The following AKAP6 variants were observed in gnomAD, a reference collection of about 807,000 sequenced individuals.
AKAP6 encodes the protein A-kinase anchoring protein 6.
In AKAP6, 58 loss-of-function variants were observed where a neutral mutation model predicts 188.5. That is an observed-to-expected ratio of 0.31 (90% confidence interval 0.25 to 0.38). AKAP6 has a LOEUF of 0.38. Among genes scored for constraint, AKAP6 ranks in the 10% least tolerant of loss-of-function variants. AKAP6 has a pLI of 1.00. For missense variants in AKAP6, 2,710 were observed against 2,740.0 expected, an observed-to-expected ratio of 0.99 and a Z score of 0.24; for synonymous variants, 989 against 998.6, an observed-to-expected ratio of 0.99 and a Z score of 0.18.
intron 2 of AKAP6, among the ~76,000 whole-genome samples, chr14:32,467,537 A>G (rs1223459552): frequency 6.6e-6 from 1 of 152,174 alleles, no homozygotes; most frequent in African/African-American, 2.4e-5. Flanking sequence ...TGGACAAGAA[A>G]CAGAATCTTA....
At chr14:32,677,494 C>A (rs1284087127) in intron 7 of AKAP6, among the ~76,000 whole-genome samples, 1 of 152,190 alleles carries the variant, frequency 6.6e-6, no homozygotes, top group East Asian at 1.9e-4. Context: ...TACATGAACT[C>A]AGCATTGCTC....
chr14:32,691,397 T>C (rs1019931099), intron 8 of AKAP6, among the ~76,000 whole-genome samples: 32 of 152,190 alleles, frequency 2.1e-4, no homozygotes, highest in Admixed American at 1.7e-3. Flanking sequence ...TTGTCTTTTA[T>C]AAAATCACTC....
At chr14:32,393,137 T>G (rs1421531406) in intron 1 of AKAP6, among the ~76,000 whole-genome samples, 7 of 152,100 alleles carry the variant, frequency 4.6e-5, no homozygotes, top group Admixed American at 4.6e-4. Flanking sequence ...AGAAATACAG[T>G]AACTTTATGT....
At chr14:32,456,403 A>G (rs1182376950) in intron 2 of AKAP6, among the ~76,000 whole-genome samples, 2 of 152,224 alleles carry the variant, frequency 1.3e-5, no homozygotes, top group African/African-American at 2.4e-5. Flanking sequence ...AGAGATCAAA[A>G]TCTTTTTACA....
intron 7 of AKAP6, among the ~76,000 whole-genome samples, chr14:32,618,145 A>C (rs1191935695): frequency 6.6e-6 from 1 of 152,212 alleles, no homozygotes; most frequent in Non-Finnish European, 1.5e-5. Flanking sequence ...AAAACAAAGC[A>C]ATCTACTATG....
chr14:32,800,053 C>A (rs1441654148), intron 12 of AKAP6, among the ~76,000 whole-genome samples: 2 of 117,274 alleles, frequency 1.7e-5, no homozygotes, highest in Non-Finnish European at 3.6e-5. Flanking sequence ...CTCTCTCTCT[C>A]TCTCTCTCTA....
intron 9 of AKAP6, among the ~76,000 whole-genome samples, chr14:32,722,197 AT>A (rs914374170): frequency 7.2e-5 from 11 of 152,150 alleles, no homozygotes; most frequent in Non-Finnish European, 1.5e-5. Flanking sequence ...TTGGGGAAGT[AT>A]TGAATCTTCT....
intron 2 of AKAP6, among the ~76,000 whole-genome samples, chr14:32,517,556 C>A (rs763546992): frequency 2.6e-5 from 4 of 152,222 alleles, no homozygotes; most frequent in Non-Finnish European, 5.9e-5. Flanking sequence ...TATCCTGCTT[C>A]TGGCTCAGAG....
At chr14:32,540,168 C>CTCTCTATATATA (rs1240063339) in intron 3 of AKAP6, among the ~76,000 whole-genome samples, 49 of 60,914 alleles carry the variant, frequency 8.0e-4, no homozygotes, top group African/African-American at 4.0e-3. Flanking sequence ...CTCTCTCTCT[C>CTCTCTATATATA]TATATATATA....
At chr14:32,802,212 A>G (rs1258675377) in intron 12 of AKAP6, among the ~76,000 whole-genome samples, 1 of 152,096 alleles carries the variant, frequency 6.6e-6, no homozygotes, top group Non-Finnish European at 1.5e-5. Context: ...TATTGTAATT[A>G]TGTTATACCA....
rs1164100026 is a variant in AKAP6, at chr14:32,724,665, C to A, written c.3001-7789C>A. On this transcript the variant is annotated intron_variant, in intron 9 of 13. Coordinates refer to ENST00000280979, the MANE Select transcript of AKAP6 (RefSeq NM_004274.5). ...GCTAAGGAGTTAGAGCAAATGCCTT[C>A]CTACTAAGCCGATCACTTCAAAACA... Among the ~76,000 whole-genome samples, 3 of 152,088 alleles carry A rather than the reference C, an allele frequency of 2.0e-5. 1 individual carries two copies. The South Asian group carries it at 6.2e-4, about 32-fold the overall frequency.
intron 2 of AKAP6, among the ~76,000 whole-genome samples, chr14:32,505,899 A>AT (rs1018638007): frequency 1.3e-5 from 2 of 152,034 alleles, no homozygotes; most frequent in Non-Finnish European, 2.9e-5. Context: ...TTTATGGTAG[A>AT]TTTTTTTAAA....
intron 12 of AKAP6, among the ~76,000 whole-genome samples, chr14:32,799,289 T>C (rs946888088): frequency 3.3e-5 from 5 of 152,186 alleles, no homozygotes; most frequent in Non-Finnish European, 7.3e-5. Flanking sequence ...CTCTGCTGTT[T>C]CCTTGTTTTC....
chr14:32,617,017 A>C (rs1359199626), intron 7 of AKAP6: 1 of 152,216 alleles, frequency 6.6e-6, no homozygotes, highest in African/African-American at 2.4e-5. Context: ...GTACCATGGG[A>C]CATAGTACTA....
chr14:32,382,397 A>C (rs3784177), intron 1 of AKAP6, among the ~76,000 whole-genome samples: 19,311 of 152,152 alleles, frequency 0.13, 1,665 homozygotes, highest in East Asian at 0.39. Context: ...CGGGTTGCAC[A>C]CTGTCTTTGA....
intron 12 of AKAP6, among the ~76,000 whole-genome samples, chr14:32,815,654 TAG>T (rs1175001536): frequency 6.6e-6 from 1 of 152,322 alleles, no homozygotes; most frequent in East Asian, 1.9e-4. Context: ...CCAAAGAGAT[TAG>T]TCAACCAACC....
intron 7 of AKAP6, among the ~76,000 whole-genome samples, chr14:32,641,967 T>C (rs896641133): frequency 6.6e-6 from 1 of 152,126 alleles, no homozygotes; most frequent in East Asian, 1.9e-4. Flanking sequence ...TGAAGATATC[T>C]TAAAGGAAAA....
intron 4 of AKAP6, among the ~76,000 whole-genome samples, chr14:32,556,813 C>T (rs574267014): frequency 1.6e-4 from 25 of 152,092 alleles, no homozygotes; most frequent in East Asian, 9.6e-4. Flanking sequence ...GTGCCATAAC[C>T]GAGAATTCAC....
chr14:32,375,341 G>A (rs1401604661), intron 1 of AKAP6, among the ~76,000 whole-genome samples: 1 of 152,180 alleles, frequency 6.6e-6, no homozygotes, highest in Non-Finnish European at 1.5e-5. Flanking sequence ...AACATGATAA[G>A]CTCAAAGTAC....
Sources: gnomAD v4.1 joint callset for allele counts (sites outside exome capture counted in the v4.1 genomes callset) on GRCh38, gnomAD v4.1.1 for gene constraint, MANE v1.5 for transcripts, NCBI Gene and HGNC (gene_info 2026-07-23, HGNC 2026-07-21) for gene names.